The following CNTN1 variants were observed in gnomAD, a reference collection of about 807,000 sequenced individuals.
CNTN1 encodes contactin-1.
A neutral mutation model predicts 126.4 loss-of-function variants in CNTN1; 38 were observed. The observed-to-expected ratio is 0.30, with a 90% CI of 0.23 to 0.39. The LOEUF is 0.39. Ranked by LOEUF, CNTN1 falls within the 10% of genes least tolerant of loss-of-function variation. The pLI, the probability that CNTN1 is intolerant of heterozygous loss-of-function variation, is 1.00. For missense variants in CNTN1, 1,009 were observed against 1,248.4 expected (o/e 0.81, Z 2.89); for synonymous variants, 413 against 422.6 (o/e 0.98, Z 0.28).
At chr12:40,940,883 T>C (rs1946243207) in intron 12 of CNTN1, among the ~76,000 whole-genome samples, 1 of 152,220 alleles carries the variant, frequency 6.6e-6, no homozygotes, top group East Asian at 1.9e-4. Context: ...CAATGAGCAA[T>C]GCAGAGACCA....
intron 17 of CNTN1, among the ~76,000 whole-genome samples, chr12:41,013,554 A>G (rs762952900): frequency 2.4e-4 from 36 of 152,288 alleles, no homozygotes; most frequent in Non-Finnish European, 4.7e-4. Context: ...ATAGCCATAT[A>G]TCAGTTCTTC....
chr12:40,767,535 C>G (rs1028123797), intron 1 of CNTN1, among the ~76,000 whole-genome samples: 1 of 152,046 alleles, frequency 6.6e-6, no homozygotes, highest in African/African-American at 2.4e-5. Flanking sequence ...ATCTCGATCT[C>G]CTGACCTCTT....
intron 20 of CNTN1, among the ~76,000 whole-genome samples, chr12:41,022,676 G>A (rs1948946688): frequency 6.6e-6 from 1 of 152,098 alleles, no homozygotes; most frequent in African/African-American, 2.4e-5. Context: ...TTCTTATTGT[G>A]CTAAACACTT....
chr12:40,879,492 C>T (rs1477618439), intron 1 of CNTN1, among the ~76,000 whole-genome samples: 1 of 152,030 alleles, frequency 6.6e-6, no homozygotes, highest in Non-Finnish European at 1.5e-5. Context: ...GAATGTTCTC[C>T]TTCTCTCTCC....
At chr12:41,022,327 A>T (rs1013577294) in intron 20 of CNTN1, among the ~76,000 whole-genome samples, 2 of 152,344 alleles carry the variant, frequency 1.3e-5, no homozygotes, top group East Asian at 3.9e-4. Context: ...ATGTACCATG[A>T]GGAGTTGGTT....
chr12:41,001,180 G>A (rs1220545424), intron 17 of CNTN1, among the ~76,000 whole-genome samples: 1 of 152,082 alleles, frequency 6.6e-6, no homozygotes, highest in Non-Finnish European at 1.5e-5. Context: ...TAGTATTTAT[G>A]TTTTCAGGTC....
chr12:41,029,284 C>T, intron 23 of CNTN1, 65 bp downstream of exon 23: 2 of 1,574,214 alleles, frequency 1.3e-6, no homozygotes, highest in African/African-American at 1.3e-5. Context: ...CTGTGGATTC[C>T]CAAGGGTAGG....
At chr12:41,025,843 G>A (rs963316137) in intron 21 of CNTN1, among the ~76,000 whole-genome samples, 4 of 152,116 alleles carry the variant, frequency 2.6e-5, no homozygotes, top group Admixed American at 2.0e-4. Context: ...CCCTGCTCAC[G>A]TTCTGGTCAT....
At chr12:40,841,060 A>C (rs1205938450) in intron 1 of CNTN1, among the ~76,000 whole-genome samples, 1 of 151,928 alleles carries the variant, frequency 6.6e-6, no homozygotes, top group Non-Finnish European at 1.5e-5. Flanking sequence ...CCTGCAGCTA[A>C]ACTAATCAAG....
chr12:40,959,310 C>T (rs1947019551), intron 15 of CNTN1, 76 bp downstream of exon 15: 1 of 1,500,510 alleles, frequency 6.7e-7, no homozygotes, highest in South Asian at 1.1e-5. Flanking sequence ...CTTCTGGTAA[C>T]TCTGGTGCAA....
chr12:41,068,643 C>T (rs912129243), intron 23 of CNTN1, among the ~76,000 whole-genome samples: 2 of 151,932 alleles, frequency 1.3e-5, no homozygotes, highest in African/African-American at 4.8e-5. Context: ...ACTAAATCTC[C>T]CTGAATATAA....
chr12:40,972,885 T>A (rs1310079587), intron 15 of CNTN1, among the ~76,000 whole-genome samples: 4 of 152,126 alleles, frequency 2.6e-5, no homozygotes, highest in African/African-American at 9.6e-5. Flanking sequence ...ATTTTATTAT[T>A]ACACTTCAAG....
intron 1 of CNTN1, among the ~76,000 whole-genome samples, chr12:40,875,379 C>G (rs1464758596): frequency 6.6e-6 from 1 of 151,966 alleles, no homozygotes; most frequent in Non-Finnish European, 1.5e-5. Context: ...CTCCTGTTGC[C>G]CATTTGTATC....
intron 1 of CNTN1, among the ~76,000 whole-genome samples, chr12:40,825,868 T>TGTGC (rs76761096): frequency 7.2e-4 from 109 of 151,974 alleles, no homozygotes; most frequent in South Asian, 5.2e-3. Context: ...ATGATGTGTG[T>TGTGC]ATGTGTGTCT....
chr12:40,978,360 G>A (rs1947737112), intron 15 of CNTN1, among the ~76,000 whole-genome samples: 1 of 151,284 alleles, frequency 6.6e-6, no homozygotes, highest in African/African-American at 2.4e-5. Context: ...AACCATTACC[G>A]AGTAAAATTC....
At chr12:40,859,161 T>C (rs1237537715) in intron 1 of CNTN1, among the ~76,000 whole-genome samples, 1 of 151,490 alleles carries the variant, frequency 6.6e-6, no homozygotes, top group Non-Finnish European at 1.5e-5. Context: ...TTAAAACAGA[T>C]ATAAAGAGGA....
intron 12 of CNTN1, 108 bp downstream of exon 12, chr12:40,939,593 T>C (rs1488196250): frequency 1.6e-6 from 2 of 1,285,102 alleles, no homozygotes; most frequent in Non-Finnish European, 2.2e-6. Context: ...CTCTGAATTT[T>C]TTTTTTCACA....
At chr12:41,060,676 G>C (rs952233752) in intron 23 of CNTN1, among the ~76,000 whole-genome samples, 7 of 152,072 alleles carry the variant, frequency 4.6e-5, no homozygotes, top group African/African-American at 1.7e-4. Flanking sequence ...TAATAAACTG[G>C]CTCTGGTTGT....
At chr12:40,723,229 T>C (rs769175450) in intron 1 of CNTN1, among the ~76,000 whole-genome samples, 42 of 152,338 alleles carry the variant, frequency 2.8e-4, no homozygotes, top group Middle Eastern at 3.4e-3. Context: ...TTCCACATAA[T>C]TAATTCTTAG....
Sources: allele counts gnomAD v4.1 joint callset (sites outside exome capture counted in the v4.1 genomes callset), GRCh38; gene constraint gnomAD v4.1.1; transcripts MANE v1.5; gene names NCBI Gene and HGNC (gene_info 2026-07-23, HGNC 2026-07-21).